The following ATP2C2 variants were observed in gnomAD, a reference collection of about 807,000 sequenced individuals.
The protein encoded by ATP2C2 is calcium-transporting ATPase type 2C member 2.
Under a neutral mutation model 110.8 loss-of-function variants are expected in ATP2C2, and 171 were observed. The observed-to-expected ratio is 1.54, with a 90% CI of 1.36 to 1.75. The LOEUF is 1.75. Ranked by LOEUF, ATP2C2 falls within the 40% of genes most tolerant of loss-of-function variation. The pLI, the probability that ATP2C2 is intolerant of heterozygous loss-of-function variation, is 0.00. For synonymous variants in ATP2C2, 804 were observed against 508.4 expected, an observed-to-expected ratio of 1.58 and a Z score of -7.82; for missense variants, 1,963 against 1,235.0, an observed-to-expected ratio of 1.59 and a Z score of -8.84.
chr16:84,439,211 G>A lies in ATP2C2; in HGVS notation c.1032G>A (p.Met344Ile). The change falls in exon 12 of 27, where the codon ATG becomes ATA. Residue 344 changes from methionine to isoleucine, a missense_variant. By Grantham distance (10) the Met-to-Ile change is conservative. Coordinates refer to ENST00000262429, the MANE Select transcript of ATP2C2 (RefSeq NM_014861.4). ...CAGAGGGTCTGCCCATCGTCGTCATGGTGACGCTGGTCCTGGGAGTGCTGC... is the reference window on the plus strand; with the variant it reads ...CAGAGGGTCTGCCCATCGTCGTCATAGTGACGCTGGTCCTGGGAGTGCTGC... The part of the protein sequence containing the change: ...AIPEGLPIVV[M>I]VTLVLGVLRM... 6.2e-7 allele frequency: 1 copy of A among 1,612,250 alleles called. No individual in the cohort carries two copies. The highest frequency in any genetic ancestry group is 8.5e-7 in the Non-Finnish European group (1 of 1,180,026).
At position 84,459,783 on chromosome 16, in the gene ATP2C2, C is replaced by T. The variant is rs1911091605; in HGVS notation, c.2333+397C>T. 5 of 557,268 alleles carry T rather than the reference C, an allele frequency of 9.0e-6. No individual in the cohort carries two copies. In the East Asian group the frequency reaches 1.2e-4, roughly 14 times the overall value. The allele number at this position is 557,268 out of a possible 1,614,324, so 34.5% of individuals were successfully genotyped here. A position where few individuals can be genotyped will look rare whatever the true frequency, so the allele number is the denominator to read the frequency against. ...GAAGATACACACAGACACACTTTTCCTTATGGATCTGATTGTGATCTGTCT... is the reference window on the plus strand; with the variant it reads ...GAAGATACACACAGACACACTTTTCTTTATGGATCTGATTGTGATCTGTCT... On this transcript the variant is annotated intron_variant, in intron 23 of 26. Coordinates refer to ENST00000262429, the MANE Select transcript of ATP2C2 (RefSeq NM_014861.4).
At chr16:84,380,951 C>T (rs1471365331) in intron 1 of ATP2C2, among the ~76,000 whole-genome samples, 1 of 152,106 alleles carries the variant, frequency 6.6e-6, no homozygotes, top group African/African-American at 2.4e-5. Flanking sequence ...GAGGCCGAGG[C>T]GGGCGGATCA....
Position 84,390,147 on chromosome 16 carries a change from G to A in ATP2C2, c.100-8352G>A, listed in dbSNP as rs201708340. The stretch of plus-strand genomic sequence containing the variant: ...GGTCAAATATGTTGAAGCAATGCAT[G>A]TCTGCATAAGCCCTCTAACAGGGAA... On this transcript the variant is annotated intron_variant, in intron 1 of 26. Coordinates refer to ENST00000262429, the MANE Select transcript of ATP2C2 (RefSeq NM_014861.4). Among the ~76,000 whole-genome samples the A allele has an allele frequency of 6.6e-5, 10 of 152,382 alleles. No individual in the cohort carries two copies. The East Asian group carries it at 1.7e-3, about 26-fold the overall frequency.
At chr16:84,395,710 G>T (rs755687284) in intron 1 of ATP2C2, among the ~76,000 whole-genome samples, 18 of 152,058 alleles carry the variant, frequency 1.2e-4, no homozygotes, top group Non-Finnish European at 2.1e-4. Context: ...ATGTTGGCCA[G>T]GCTGGTCTCG....
In ATP2C2 at chr16:84,410,700, C is replaced by G; in HGVS notation, c.454-4C>G. 6.2e-7 allele frequency: 1 copy of G among 1,614,058 alleles called. No individual in the cohort carries two copies. The highest frequency in any genetic ancestry group is 8.5e-7 in the Non-Finnish European group (1 of 1,179,962). On this transcript the variant is annotated splice_region_variant and splice_polypyrimidine_tract_variant and intron_variant, in intron 5 of 26. Coordinates refer to ENST00000262429, the MANE Select transcript of ATP2C2 (RefSeq NM_014861.4). The stretch of plus-strand genomic sequence containing the variant: ...AACAGCACATCTGATGTGCTTCCTG[C>G]CAGGAGTACAGGTCGGAGAAATCTC...
At chr16:84,386,288 T>C (rs1904321732) in intron 1 of ATP2C2, among the ~76,000 whole-genome samples, 1 of 152,186 alleles carries the variant, frequency 6.6e-6, no homozygotes. Context: ...GAGATCTATA[T>C]TTAGTTTTAT....
chr16:84,410,294 G>T (rs554331894), intron 4 of ATP2C2, among the ~76,000 whole-genome samples: 76 of 152,244 alleles, frequency 5.0e-4, no homozygotes, highest in African/African-American at 1.8e-3. Flanking sequence ...GTTTATAAAA[G>T]AATATGTCCA....
At chr16:84,390,701 C>G (rs1904604176) in intron 1 of ATP2C2, among the ~76,000 whole-genome samples, 1 of 152,120 alleles carries the variant, frequency 6.6e-6, no homozygotes, top group Admixed American at 6.5e-5. Flanking sequence ...GGGATGAGCT[C>G]CACGTGGTGC....
intron 1 of ATP2C2, among the ~76,000 whole-genome samples, chr16:84,388,071 C>A (rs1188472808): frequency 1.3e-5 from 2 of 152,122 alleles, no homozygotes; most frequent in Non-Finnish European, 2.9e-5. Context: ...GTGGCTCACG[C>A]CTGTCATCCC....
At chr16:84,395,319 A>G (rs942440676) in intron 1 of ATP2C2, among the ~76,000 whole-genome samples, 20 of 151,928 alleles carry the variant, frequency 1.3e-4, no homozygotes, top group African/African-American at 4.8e-4. Context: ...CTGTCACCCC[A>G]TGACTTCCTC....
chr16:84,398,065 C>A (rs998583842), intron 1 of ATP2C2, among the ~76,000 whole-genome samples: 1 of 151,758 alleles, frequency 6.6e-6, no homozygotes, highest in African/African-American at 2.4e-5. Context: ...AGTTTGTGAG[C>A]TGTACACATA....
At chr16:84,461,076 G>C (rs1407371070) in intron 24 of ATP2C2, 5 of 425,042 alleles carry the variant, frequency 1.2e-5, no homozygotes, top group East Asian at 8.0e-5. Flanking sequence ...ATGTACATGA[G>C]GACAGGCTGC....
rs765277120 is a variant in ATP2C2 at position 84,463,651 on chromosome 16, C to A, written c.2760C>A (p.Phe920Leu). 3 of 1,614,094 alleles carry A rather than the reference C, an allele frequency of 1.9e-6. No individual in the cohort carries two copies. Among genetic ancestry groups the A allele is most frequent in the Non-Finnish European group, 8.5e-7 (1 of 1,180,048 alleles). ...LFLTGLASSV[F>L]ILSELLKLCE... ...TAACTGGATTGGCCTCATCCGTCTT[C>A]ATTTTGTCAGAGCTCCTCAAACTAT... Residue 920 changes from phenylalanine to leucine, a missense_variant, in exon 27 of 27, where the codon TTC (phenylalanine) becomes TTA (leucine). Transcript: ENST00000262429.
intron 4 of ATP2C2, among the ~76,000 whole-genome samples, chr16:84,409,289 G>A (rs560573987): frequency 2.6e-4 from 39 of 152,236 alleles, no homozygotes; most frequent in African/African-American, 8.4e-4. Flanking sequence ...TCACACACTC[G>A]GGCCTTTCAT....
intron 16 of ATP2C2, among the ~76,000 whole-genome samples, chr16:84,447,803 A>G (rs948524315): frequency 1.7e-4 from 25 of 144,482 alleles, no homozygotes; most frequent in African/African-American, 6.6e-4. Flanking sequence ...ATAATATACA[A>G]TACATATGTA....
chr16:84,403,375 G>T (rs1324057581), intron 2 of ATP2C2, among the ~76,000 whole-genome samples: 1 of 152,102 alleles, frequency 6.6e-6, no homozygotes, highest in Admixed American at 6.5e-5. Flanking sequence ...CTGCAATCAA[G>T]GGCCAGTGCA....
At chr16:84,378,208 T>C (rs1175463705) in intron 1 of ATP2C2, among the ~76,000 whole-genome samples, 1 of 152,202 alleles carries the variant, frequency 6.6e-6, no homozygotes, top group East Asian at 1.9e-4. Context: ...GGACGCTCCC[T>C]GTCTTTGCCT....
chr16:84,409,842 G>A lies in ATP2C2; in HGVS notation c.418-726G>A, dbSNP rs115674144. Among the ~76,000 whole-genome samples the A allele has an allele frequency of 7.9e-3, 1,196 of 152,146 alleles. 12 individuals carry two copies. Among genetic ancestry groups the A allele is most frequent in the African/African-American group, 0.026 (1,060 of 41,504 alleles). ...TGGCTGTCATTCCCCACTTCTTTCC[G>A]TTTGTTCCAGCCGGTATTTTAAAAT... On this transcript the variant is annotated intron_variant, in intron 4 of 26. Transcript: ENST00000262429.
intron 1 of ATP2C2, among the ~76,000 whole-genome samples, chr16:84,393,981 C>G (rs1371231879): frequency 6.7e-6 from 1 of 148,718 alleles, no homozygotes; most frequent in Non-Finnish European, 1.5e-5. Context: ...CATGGCAAAA[C>G]CTTGTCTCAA....
Sources: allele counts gnomAD v4.1 joint callset (sites outside exome capture counted in the v4.1 genomes callset), GRCh38; gene constraint gnomAD v4.1.1; transcripts MANE v1.5; gene names NCBI Gene and HGNC (gene_info 2026-07-23, HGNC 2026-07-21).